Variants in SMCHD1 observed in about 807,000 individuals in gnomAD.
SMCHD1 encodes the protein structural maintenance of chromosomes flexible hinge domain containing 1.
A neutral mutation model predicts 254.7 loss-of-function variants in SMCHD1; 78 were observed. The observed-to-expected ratio is 0.31, with a 90% CI of 0.26 to 0.37. The LOEUF is 0.37. SMCHD1 is among the 10% of genes least tolerant of loss of function. The pLI, the probability that SMCHD1 is intolerant of heterozygous loss-of-function variation, is 1.00. For missense variants in SMCHD1, 1,840 were observed against 2,408.1 expected (o/e 0.76, Z 4.94); for synonymous variants, 766 against 794.9 (o/e 0.96, Z 0.61).
chr18:2,668,120 TCCTCCCGCCTCGG>T (rs1208607407), intron 3 of SMCHD1, among the ~76,000 whole-genome samples: 1 of 152,132 alleles, frequency 6.6e-6, no homozygotes, highest in Non-Finnish European at 1.5e-5. Flanking sequence ...CCTCAAGTGA[TCCTCCCGCCTCGG>T]CCTCCCAAAG....
chr18:2,745,415 T>C (rs2075434556), intron 29 of SMCHD1, among the ~76,000 whole-genome samples: 2 of 152,224 alleles, frequency 1.3e-5, no homozygotes, highest in Admixed American at 6.5e-5. Context: ...GTTAACATGC[T>C]CATGCCTTAG....
At chr18:2,678,219 T>G (rs2073803899) in intron 5 of SMCHD1, among the ~76,000 whole-genome samples, 1 of 30,166 alleles carries the variant, frequency 3.3e-5, no homozygotes, top group South Asian at 2.6e-3. Context: ...TTTTCTTTCT[T>G]TCTTTTTCTT....
chr18:2,664,055 C>G (rs483302), intron 1 of SMCHD1, among the ~76,000 whole-genome samples: 26,768 of 151,964 alleles, frequency 0.18, 5,814 homozygotes, highest in African/African-American at 0.52. Context: ...CTTATGAAAA[C>G]CTTCAGACAC....
chr18:2,706,668 CAAAG>C (rs1471725974), intron 15 of SMCHD1, 198 bp downstream of exon 15: 14 of 403,238 alleles, frequency 3.5e-5, no homozygotes, highest in Admixed American at 1.2e-4. Context: ...GTTTTGTAGA[CAAAG>C]AAGGAAATCT....
In SMCHD1 at chr18:2,752,471, CCTA is replaced by C; in HGVS notation, c.4282-14_4282-12del. On this transcript the variant is annotated splice_polypyrimidine_tract_variant and intron_variant, in intron 33 of 47. Coordinates refer to ENST00000320876, the MANE Select transcript of SMCHD1 (RefSeq NM_015295.3). The stretch of plus-strand genomic sequence containing the variant: ...GTCATTTTCCCCTCTCCCCTTCTCT[CCTA>C]CTCCCCTTTCTAGGCAGAAACATTT... The C allele has an allele frequency of 1.3e-6, 2 of 1,579,458 alleles. No homozygotes were observed. The highest frequency in any genetic ancestry group is 1.7e-6 in the Non-Finnish European group (2 of 1,149,220).
intron 38 of SMCHD1, 31 bp from the exon 39 acceptor site, chr18:2,769,958 T>C: frequency 6.4e-7 from 1 of 1,555,508 alleles, no homozygotes; most frequent in South Asian, 1.2e-5. Context: ...AGTTTTTAAA[T>C]TATTTAAATT....
intron 5 of SMCHD1, among the ~76,000 whole-genome samples, chr18:2,681,211 A>G (rs573316058): frequency 6.6e-6 from 1 of 152,192 alleles, no homozygotes; most frequent in Admixed American, 6.5e-5. Flanking sequence ...TCAGGAGTTC[A>G]AGACCAGCCT....
At chr18:2,754,533 G>C (rs2075636641) in intron 34 of SMCHD1, among the ~76,000 whole-genome samples, 1 of 152,168 alleles carries the variant, frequency 6.6e-6, no homozygotes, top group East Asian at 1.9e-4. Flanking sequence ...TGTCAACCAG[G>C]GAAGCTCACT....
At chr18:2,686,262 C>T (rs2074049751) in intron 5 of SMCHD1, among the ~76,000 whole-genome samples, 2 of 152,156 alleles carry the variant, frequency 1.3e-5, no homozygotes, top group Non-Finnish European at 2.9e-5. Flanking sequence ...ATTTTTTGAG[C>T]ACCAATGTGA....
chr18:2,752,344 A>AAAGATGTATATAT, intron 33 of SMCHD1, 144 bp from the exon 34 acceptor site: 1 of 634,384 alleles, frequency 1.6e-6, no homozygotes, highest in Non-Finnish European at 2.8e-6. Flanking sequence ...TGAAGATATA[A>AAAGATGTATATAT]ACGTGTGTAT....
At chr18:2,758,974 A>G (rs74981106) in intron 34 of SMCHD1, among the ~76,000 whole-genome samples, 6,406 of 152,204 alleles carry the variant, frequency 0.042, 208 homozygotes, top group Non-Finnish European at 0.057. Flanking sequence ...ATCTTCAGTT[A>G]ACTAATTCTC....
chr18:2,668,120 T>C (rs2073487709), intron 3 of SMCHD1, among the ~76,000 whole-genome samples: 1 of 152,132 alleles, frequency 6.6e-6, no homozygotes, highest in Non-Finnish European at 1.5e-5. Flanking sequence ...CCTCAAGTGA[T>C]CCTCCCGCCT....
chr18:2,778,450 C>G (rs996808664), intron 44 of SMCHD1, among the ~76,000 whole-genome samples: 5 of 152,158 alleles, frequency 3.3e-5, no homozygotes, highest in African/African-American at 1.2e-4. Context: ...TTGTCTAAGA[C>G]TCAAAACAGT....
At position 2,743,915 on chromosome 18, in the gene SMCHD1, C is replaced by G; in HGVS notation, c.3788C>G (p.Pro1263Arg). 6.2e-7 allele frequency: 1 copy of G among 1,610,324 alleles called. No individual in the cohort carries two copies. Among genetic ancestry groups the G allele is most frequent in the Non-Finnish European group, 8.5e-7 (1 of 1,178,276 alleles). Residue 1263 changes from proline to arginine, a missense_variant, in exon 29 of 48, where the codon CCA (proline) becomes CGA (arginine). Coordinates refer to ENST00000320876, the MANE Select transcript of SMCHD1 (RefSeq NM_015295.3). ...GCTAAACTTCTCCTTATAGACTGGC[C>G]AGAACTAAAGGAGGTAAGTCACTTC... is the stretch of plus-strand genomic sequence containing the variant. ...PPAKLLLIDW[P>R]ELKESIPVIN...
At chr18:2,767,290 A>G (rs1292853133) in intron 37 of SMCHD1, among the ~76,000 whole-genome samples, 2 of 151,984 alleles carry the variant, frequency 1.3e-5, no homozygotes, top group Non-Finnish European at 2.9e-5. Context: ...TTATGTACGT[A>G]AGCATATCTT....
chr18:2,682,469 C>T (rs1463898975), intron 5 of SMCHD1, among the ~76,000 whole-genome samples: 1 of 152,104 alleles, frequency 6.6e-6, no homozygotes, highest in African/African-American at 2.4e-5. Context: ...ATTATAGATG[C>T]ACACCACCAC....
rs550227541 is a variant in SMCHD1, at chr18:2,669,043, TA to T, written c.424+2028del. On this transcript the variant is annotated intron_variant, in intron 3 of 47. Coordinates refer to ENST00000320876, the MANE Select transcript of SMCHD1 (RefSeq NM_015295.3). ...GTGCATACCACCATGCCCAGCTAATTAAAAAAAAAAAAAAAATTGTAGCTGG... is the reference window on the plus strand; with the variant it reads ...GTGCATACCACCATGCCCAGCTAATTAAAAAAAAAAAAAAATTGTAGCTGG... 3.6e-3 allele frequency among the ~76,000 whole-genome samples: 505 copies of T among 139,338 alleles called. 2 individuals are homozygous for T. Among genetic ancestry groups the T allele is most frequent in the African/African-American group, 8.8e-3 (330 of 37,436 alleles). The allele number at this position is 139,338 out of a possible 152,430, so 91.4% of individuals were successfully genotyped here. A position where few individuals can be genotyped will look rare whatever the true frequency, so the allele number is the denominator to read the frequency against.
At chr18:2,756,975 T>C in intron 34 of SMCHD1, among the ~76,000 whole-genome samples, 1 of 152,122 alleles carries the variant, frequency 6.6e-6, no homozygotes, top group Admixed American at 6.6e-5. Flanking sequence ...AGAACAAACT[T>C]TGGGCTTTTA....
At chr18:2,728,862 A>G (rs890765666) in intron 23 of SMCHD1, 3 of 304,718 alleles carry the variant, frequency 9.8e-6, no homozygotes, top group Non-Finnish European at 1.8e-5. Context: ...CATTTCATAT[A>G]TATGAATAGA....
Sources: gnomAD v4.1 joint callset for allele counts (sites outside exome capture counted in the v4.1 genomes callset) on GRCh38, gnomAD v4.1.1 for gene constraint, MANE v1.5 for transcripts, NCBI Gene and HGNC (gene_info 2026-07-23, HGNC 2026-07-21) for gene names.